Variants in LRRTM4 observed in about 807,000 individuals in gnomAD.
The protein encoded by LRRTM4 is leucine rich repeat transmembrane neuronal 4, also known as leucine-rich repeat transmembrane neuronal protein 4.
In LRRTM4, 25 loss-of-function variants were observed where a neutral mutation model predicts 47.6. That is an observed-to-expected ratio of 0.53 (90% CI 0.38 to 0.73). LRRTM4 has a LOEUF of 0.73. LRRTM4 is among the 30% of genes least tolerant of loss of function. The pLI is 0.00. For missense variants in LRRTM4, 638 were observed against 713.4 expected (o/e 0.89, Z 1.20); for synonymous variants, 311 against 269.5 (o/e 1.15, Z -1.51).
chr2:77,335,826 A>G (rs1671142214), intron 3 of LRRTM4, among the ~76,000 whole-genome samples: 1 of 152,148 alleles, frequency 6.6e-6, no homozygotes, highest in East Asian at 1.9e-4. Flanking sequence ...AATTTTCATA[A>G]CAGTTTTGTA....
intron 3 of LRRTM4, among the ~76,000 whole-genome samples, chr2:77,241,784 C>T (rs1012788578): frequency 6.6e-6 from 1 of 151,998 alleles, no homozygotes; most frequent in African/African-American, 2.4e-5. Context: ...TCTTCTAAGA[C>T]TTGTATAGTT....
At chr2:76,957,197 G>T (rs1303709546) in intron 3 of LRRTM4, among the ~76,000 whole-genome samples, 3 of 151,766 alleles carry the variant, frequency 2.0e-5, no homozygotes, top group Middle Eastern at 3.4e-3. Flanking sequence ...CTTATGGGAG[G>T]TGTTAAAGTG....
Position 77,481,895 on chromosome 2 carries a change from A to T in LRRTM4, c.1551+36423T>A, listed in dbSNP as rs186596479. ...TTTTTTTTTTCTTTTTTTTTTTTTA[A>T]AACTTCTAGTTATTTTAGGACCTGA... On this transcript the variant is annotated intron_variant, in intron 3 of 3. Coordinates refer to ENST00000409884, the MANE Select transcript of LRRTM4 (RefSeq NM_001134745.3). Among the ~76,000 whole-genome samples, 17 of 149,870 alleles carry T rather than the reference A, an allele frequency of 1.1e-4. No homozygotes were observed. The East Asian group carries it at 3.1e-3, about 27-fold the overall frequency.
intron 3 of LRRTM4, among the ~76,000 whole-genome samples, chr2:77,344,476 G>A (rs1354230206): frequency 6.6e-6 from 1 of 151,768 alleles, no homozygotes; most frequent in Admixed American, 6.6e-5. Context: ...CTGAAGATAT[G>A]TAATAAAATT....
intron 3 of LRRTM4, among the ~76,000 whole-genome samples, chr2:77,018,352 A>AG (rs1678149766): frequency 6.8e-6 from 1 of 147,836 alleles, no homozygotes; most frequent in African/African-American, 2.5e-5. Context: ...TGATACCAGC[A>AG]GGACTCCTAA....
chr2:77,192,525 A>G (rs957894689), intron 3 of LRRTM4, among the ~76,000 whole-genome samples: 4 of 152,300 alleles, frequency 2.6e-5, no homozygotes, highest in African/African-American at 9.6e-5. Context: ...GAAATTGAGA[A>G]AAATAATTTT....
intron 3 of LRRTM4, among the ~76,000 whole-genome samples, chr2:76,838,082 A>G (rs1029203555): frequency 3.8e-5 from 5 of 133,154 alleles, no homozygotes; most frequent in South Asian, 4.9e-4. Context: ...AACTTAAAGT[A>G]TAATAATAAT....
chr2:76,905,525 G>A (rs930928536), intron 3 of LRRTM4, among the ~76,000 whole-genome samples: 1 of 152,168 alleles, frequency 6.6e-6, no homozygotes, highest in Non-Finnish European at 1.5e-5. Context: ...GTTGAGAGAA[G>A]AAGGCTTCAG....
chr2:77,189,122 T>A (rs2103874242), intron 3 of LRRTM4, among the ~76,000 whole-genome samples: 1 of 152,158 alleles, frequency 6.6e-6, no homozygotes, highest in Non-Finnish European at 1.5e-5. Context: ...AAAAAAAAAC[T>A]TTTGATCAAA....
At chr2:77,195,264 T>C (rs139240762) in intron 3 of LRRTM4, among the ~76,000 whole-genome samples, 296 of 151,992 alleles carry the variant, frequency 1.9e-3, no homozygotes, top group African/African-American at 6.8e-3. Context: ...TATATTTAGA[T>C]TGACTCATAA....
intron 3 of LRRTM4, chr2:77,517,290 G>T: frequency 1.0e-6 from 1 of 983,156 alleles, no homozygotes; most frequent in Non-Finnish European, 1.2e-6. Context: ...TAACATGGAA[G>T]GTACACCTTT....
intron 3 of LRRTM4, among the ~76,000 whole-genome samples, chr2:76,870,507 G>A (rs899187666): frequency 6.6e-6 from 1 of 152,118 alleles, no homozygotes; most frequent in African/African-American, 2.4e-5. Flanking sequence ...GGGAAATGGA[G>A]CAATATGTCA....
At chr2:77,383,099 T>A (rs981727898) in intron 3 of LRRTM4, among the ~76,000 whole-genome samples, 2 of 152,050 alleles carry the variant, frequency 1.3e-5, no homozygotes, top group African/African-American at 4.8e-5. Context: ...TCAAATTAAG[T>A]ACAGAAATTA....
At position 76,989,472 on chromosome 2, in the gene LRRTM4, A is replaced by G. The variant is rs114284745; in HGVS notation, c.1552-240556T>C. On this transcript the variant is annotated intron_variant, in intron 3 of 3. Coordinates refer to ENST00000409884, the MANE Select transcript of LRRTM4 (RefSeq NM_001134745.3). ...ATAAAATAGCATAAACAAAGATTGC[A>G]TATGTTGGATATAGTACCAAAAAGG... Among the ~76,000 whole-genome samples the G allele has an allele frequency of 4.4e-3, 662 of 152,026 alleles. 3 individuals are homozygous for G. The highest frequency in any genetic ancestry group is 0.015 in the African/African-American group (606 of 41,546).
In LRRTM4 at chr2:77,023,334, G is replaced by T. The variant is rs149511259; in HGVS notation, c.1552-274418C>A. Among the ~76,000 whole-genome samples the T allele has an allele frequency of 8.1e-3, 1,229 of 152,290 alleles. 27 individuals carry two copies. Among genetic ancestry groups the T allele is most frequent in the African/African-American group, 0.028 (1,157 of 41,566 alleles). On this transcript the variant is annotated intron_variant, in intron 3 of 3. Coordinates refer to ENST00000409884, the MANE Select transcript of LRRTM4 (RefSeq NM_001134745.3). ...GGAGAGGCTGCCGCAAAGGTCTCTT[G>T]ATACCCTGGAGACATTTTTCCCATT...
chr2:77,316,087 T>A (rs1001300337), intron 3 of LRRTM4, among the ~76,000 whole-genome samples: 4 of 152,186 alleles, frequency 2.6e-5, no homozygotes, highest in Admixed American at 6.5e-5. Context: ...TCTGTCCATC[T>A]TGTCTAGTGT....
chr2:77,021,102 C>CTATCCATG (rs1553445891), intron 3 of LRRTM4, among the ~76,000 whole-genome samples: 1 of 130,438 alleles, frequency 7.7e-6, no homozygotes, highest in Non-Finnish European at 1.6e-5. Flanking sequence ...CTGTATCTAT[C>CTATCCATG]TATCTATGTA....
intron 3 of LRRTM4, among the ~76,000 whole-genome samples, chr2:77,144,842 A>G (rs550360804): frequency 3.9e-5 from 6 of 152,294 alleles, no homozygotes; most frequent in African/African-American, 1.4e-4. Flanking sequence ...CAACAAGAGC[A>G]AATATATTGA....
chr2:77,313,225 G>A (rs979311582), intron 3 of LRRTM4, among the ~76,000 whole-genome samples: 9 of 150,824 alleles, frequency 6.0e-5, no homozygotes, highest in Non-Finnish European at 1.0e-4. Context: ...TGTTTTCCTG[G>A]GACCTGGTGC....
Sources: allele counts gnomAD v4.1 joint callset (sites outside exome capture counted in the v4.1 genomes callset), GRCh38; gene constraint gnomAD v4.1.1; transcripts MANE v1.5; gene names NCBI Gene and HGNC (gene_info 2026-07-23, HGNC 2026-07-21).